Variants in FOXN3 observed in about 807,000 individuals in gnomAD.
FOXN3 encodes forkhead box N3.
In FOXN3, 7 loss-of-function variants were observed where a neutral mutation model predicts 38.4. The ratio of observed to expected loss-of-function variants is 0.18; its 90% CI spans 0.10 to 0.34. FOXN3 has a LOEUF of 0.34. Among genes scored for constraint, FOXN3 ranks in the 10% least tolerant of loss-of-function variants. The probability of loss-of-function intolerance (pLI) is 1.00; values close to 1 mark genes in which losing one functional copy is unlikely to be tolerated. For missense variants in FOXN3, 456 were observed against 613.4 expected (o/e 0.74, Z 2.71); for synonymous variants, 230 against 242.2 (o/e 0.95, Z 0.47).
At chr14:89,290,189 A>C in intron 3 of FOXN3, 1 of 222,066 alleles carries the variant, frequency 4.5e-6, no homozygotes, top group African/African-American at 2.3e-5. Context: ...GGAGGGACTC[A>C]GGTGAGGGGG....
At chr14:89,445,232 G>C (rs1892469883) in intron 1 of FOXN3, among the ~76,000 whole-genome samples, 1 of 152,044 alleles carries the variant, frequency 6.6e-6, no homozygotes, top group Admixed American at 6.6e-5. Context: ...CCCGACTTCT[G>C]AACTTGAGTT....
chr14:89,260,327 C>T (rs1434441122), intron 4 of FOXN3, among the ~76,000 whole-genome samples: 3 of 152,232 alleles, frequency 2.0e-5, no homozygotes, highest in Non-Finnish European at 2.9e-5. Context: ...CTCCCGGGCA[C>T]GAAGCTGAGA....
chr14:89,229,963 G>C (rs1274778245), intron 4 of FOXN3, among the ~76,000 whole-genome samples: 1 of 152,146 alleles, frequency 6.6e-6, no homozygotes, highest in Non-Finnish European at 1.5e-5. Context: ...GGCCCCACTG[G>C]CCTCTTACCC....
At chr14:89,274,863 G>T (rs1367642755) in intron 4 of FOXN3, among the ~76,000 whole-genome samples, 1 of 152,162 alleles carries the variant, frequency 6.6e-6, no homozygotes, top group Non-Finnish European at 1.5e-5. Context: ...CTCAGCCTTT[G>T]CCCCATCCTG....
rs1273185890 is a variant in FOXN3, at chr14:89,616,695, A to G, written c.-15+2333T>C. 5.9e-5 allele frequency among the ~76,000 whole-genome samples: 9 copies of G among 152,294 alleles called. No homozygotes were observed. The East Asian group carries it at 1.7e-3, about 29-fold the overall frequency. On this transcript the variant is annotated intron_variant, in intron 1 of 6. Transcript: ENST00000345097. ...TTCTAACCTTTCTGGCTCTCAAAAG[A>G]GTTTTGTTCTAACTGTAGACATACA...
At chr14:89,618,712 C>G (rs907950484) in intron 1 of FOXN3, among the ~76,000 whole-genome samples, 18 of 151,702 alleles carry the variant, frequency 1.2e-4, no homozygotes, top group African/African-American at 4.1e-4. Context: ...TTATAAATAT[C>G]CATTTGTCTG....
chr14:89,192,559 T>C (rs1476526927), intron 4 of FOXN3, among the ~76,000 whole-genome samples: 1 of 141,354 alleles, frequency 7.1e-6, no homozygotes, highest in African/African-American at 2.6e-5. Context: ...ATATGAATTA[T>C]ACAATATATA....
intron 4 of FOXN3, among the ~76,000 whole-genome samples, chr14:89,182,143 A>T (rs1434218685): frequency 6.6e-6 from 1 of 152,254 alleles, no homozygotes; most frequent in East Asian, 1.9e-4. Flanking sequence ...TGTGTAAGCC[A>T]ATATTATATA....
chr14:89,217,897 T>C (rs10134694), intron 4 of FOXN3, among the ~76,000 whole-genome samples: 2,780 of 152,358 alleles, frequency 0.018, 83 homozygotes, highest in African/African-American at 0.063. Context: ...GGTGGCTCCC[T>C]GAGGTGCTGG....
chr14:89,311,550 G>GGC (rs1887548700), intron 3 of FOXN3, among the ~76,000 whole-genome samples: 2 of 151,826 alleles, frequency 1.3e-5, no homozygotes, highest in African/African-American at 2.4e-5. Flanking sequence ...CCTGTGGCCG[G>GGC]GTGCAGTGGC....
chr14:89,546,963 T>G (rs1894899233), intron 1 of FOXN3, among the ~76,000 whole-genome samples: 1 of 151,960 alleles, frequency 6.6e-6, no homozygotes, highest in Non-Finnish European at 1.5e-5. Flanking sequence ...TTTTGTATTT[T>G]TAGTAGAGAC....
chr14:89,414,336 A>G (rs989694806), intron 1 of FOXN3, among the ~76,000 whole-genome samples: 1 of 151,484 alleles, frequency 6.6e-6, no homozygotes, highest in African/African-American at 2.4e-5. Context: ...CAAAGACATG[A>G]CCCTTCTATG....
chr14:89,245,391 CTTTG>C (rs1287758817), intron 4 of FOXN3, among the ~76,000 whole-genome samples: 5 of 151,516 alleles, frequency 3.3e-5, no homozygotes, highest in Non-Finnish European at 7.4e-5. Flanking sequence ...AGAAATGTTT[CTTTG>C]TTTGAAAATG....
chr14:89,484,628 G>A lies in FOXN3; in HGVS notation c.-14-72138C>T, dbSNP rs938780035. On this transcript the variant is annotated intron_variant, in intron 1 of 6. Transcript: ENST00000345097. The surrounding 1 kb of genome is among the most constrained non-coding windows in gnomAD (Gnocchi z 4.0). The stretch of plus-strand genomic sequence containing the variant: ...CCCTGGCCTGGGCTTAGGAGGGGTG[G>A]CAACAATCTATTAGGCAATTTCTGC... 8.5e-5 allele frequency among the ~76,000 whole-genome samples: 13 copies of A among 152,194 alleles called. No individual in the cohort carries two copies. The highest frequency in any genetic ancestry group is 2.9e-4 in the African/African-American group (12 of 41,450).
At chr14:89,396,365 GACCAA>G (rs759025575) in intron 2 of FOXN3, among the ~76,000 whole-genome samples, 7 of 152,222 alleles carry the variant, frequency 4.6e-5, no homozygotes, top group Non-Finnish European at 8.8e-5. Flanking sequence ...AGGGGCAGCT[GACCAA>G]GGCTTTCGGC....
intron 1 of FOXN3, among the ~76,000 whole-genome samples, chr14:89,578,081 G>A (rs1895671525): frequency 6.6e-6 from 1 of 152,098 alleles, no homozygotes; most frequent in South Asian, 2.1e-4. Flanking sequence ...AACCTTGAAA[G>A]ACATATGAAA....
chr14:89,613,458 T>C (rs1028384796), intron 1 of FOXN3, among the ~76,000 whole-genome samples: 16 of 152,076 alleles, frequency 1.1e-4, no homozygotes, highest in African/African-American at 3.6e-4. Flanking sequence ...GAAATGCAGG[T>C]GGGAGGAGGA....
At chr14:89,480,367 C>A (rs1893301546) in intron 1 of FOXN3, among the ~76,000 whole-genome samples, 1 of 151,612 alleles carries the variant, frequency 6.6e-6, no homozygotes, top group Non-Finnish European at 1.5e-5. Context: ...CGTGCCATTT[C>A]ACTCCAGCCT....
chr14:89,591,848 C>A (rs1437933892), intron 1 of FOXN3, among the ~76,000 whole-genome samples: 1 of 152,020 alleles, frequency 6.6e-6, no homozygotes, highest in Non-Finnish European at 1.5e-5. Flanking sequence ...TCACCTGAGC[C>A]CAGGAATTTG....
Sources: allele counts gnomAD v4.1 joint callset (sites outside exome capture counted in the v4.1 genomes callset), GRCh38; gene constraint gnomAD v4.1.1; non-coding constraint Gnocchi (gnomAD v3.1); transcripts MANE v1.5; gene names NCBI Gene and HGNC (gene_info 2026-07-23, HGNC 2026-07-21).